The following EYS variants were observed in gnomAD, a reference collection of about 807,000 sequenced individuals.
EYS encodes the protein protein eyes shut homolog.
Under a neutral mutation model 282.1 loss-of-function variants are expected in EYS, and 250 were observed. That is an observed-to-expected ratio of 0.89 (90% confidence interval 0.80 to 0.98). The LOEUF is 0.98. Ranked by LOEUF, EYS falls within the 50% of genes least tolerant of loss-of-function variation. The pLI, the probability that EYS is intolerant of heterozygous loss-of-function variation, is 0.00. For synonymous variants in EYS, 1,355 were observed against 1,282.9 expected (o/e 1.06, Z -1.20); for missense variants, 4,016 against 3,709.0 (o/e 1.08, Z -2.15).
chr6:65,658,748 T>C (rs912709707), intron 1 of EYS, among the ~76,000 whole-genome samples: 1 of 151,652 alleles, frequency 6.6e-6, no homozygotes, highest in African/African-American at 2.4e-5. Context: ...CTTTCCTAAC[T>C]TTATATGGAG....
chr6:65,539,189 T>G (rs1189632510), intron 2 of EYS, among the ~76,000 whole-genome samples: 1 of 152,226 alleles, frequency 6.6e-6, no homozygotes, highest in African/African-American at 2.4e-5. Context: ...TATGCATCAT[T>G]GCATCACTAA....
chr6:64,700,232 C>T (rs1165961101), intron 22 of EYS, among the ~76,000 whole-genome samples: 1 of 151,808 alleles, frequency 6.6e-6, no homozygotes, highest in South Asian at 2.1e-4. Flanking sequence ...AATAACATAC[C>T]TGAAAATAAT....
At position 64,590,809 on chromosome 6, in the gene EYS, T is replaced by G. The variant is rs1352736189; in HGVS notation, c.5058A>C (p.Lys1686Asn). The stretch of plus-strand genomic sequence containing the variant: ...ATACTGACAGTTCATCAGTAGTCAT[T>G]TTTGAAGTCAAATCAGAATTCATCA... ...SDLMNSDLTS[K>N]MTTDELSVSE... is the part of the protein sequence containing the mutation. Residue 1686 changes from lysine to asparagine, a missense_variant, in exon 26 of 43, where the codon AAA becomes AAC. Transcript: ENST00000503581. 1 of 1,550,290 alleles carries G rather than the reference T, an allele frequency of 6.5e-7. No individual in the cohort carries two copies.
intron 15 of EYS, among the ~76,000 whole-genome samples, chr6:64,942,292 T>A (rs1583315488): frequency 6.9e-6 from 1 of 144,878 alleles, no homozygotes; most frequent in Middle Eastern, 3.4e-3. Flanking sequence ...AAACTAATGA[T>A]CCAATATCAT....
intron 22 of EYS, among the ~76,000 whole-genome samples, chr6:64,719,103 C>T (rs754000580): frequency 4.3e-4 from 66 of 152,042 alleles, no homozygotes; most frequent in African/African-American, 1.4e-3. Flanking sequence ...AAGATGAAGG[C>T]GGGCAAGTGA....
chr6:63,757,000 A>C (rs930240949), intron 41 of EYS, among the ~76,000 whole-genome samples: 4 of 152,150 alleles, frequency 2.6e-5, no homozygotes, highest in Non-Finnish European at 5.9e-5. Context: ...ACAATATGAA[A>C]TCAGTGCACC....
intron 35 of EYS, among the ~76,000 whole-genome samples, chr6:63,920,362 G>T (rs796204898): frequency 3.3e-5 from 5 of 152,290 alleles, no homozygotes; most frequent in African/African-American, 1.2e-4. Context: ...AGACCAGAGG[G>T]TAGGAGGAAA....
chr6:63,721,001 T>C lies in EYS; in HGVS notation c.9030A>G (p.Ala3010=), dbSNP rs61754905. The C allele has an allele frequency of 2.2e-3, 3,466 of 1,551,264 alleles. 57 individuals are homozygous for C. In the African/African-American group the frequency reaches 0.042, roughly 19 times the overall value. ...TCAAGGTCTGATTATGGAGACCAAT[T>C]GCCAGAAAATCATTTTCTTCATTTT... ...IAQNEENDFL[A]IGLHNQTLKI... is the part of the protein sequence containing the mutation. The change falls in exon 43 of 43, where the codon GCA becomes GCG. Residue 3010 remains alanine (A), a synonymous_variant. Coordinates refer to ENST00000503581, the MANE Select transcript of EYS (RefSeq NM_001142800.2).
chr6:65,042,416 GT>G (rs1772966276), intron 13 of EYS, among the ~76,000 whole-genome samples: 2 of 150,880 alleles, frequency 1.3e-5, no homozygotes, highest in African/African-American at 2.4e-5. Context: ...TTGGCCTATT[GT>G]TTTTTGTTGT....
intron 41 of EYS, among the ~76,000 whole-genome samples, chr6:63,729,435 G>A (rs532068469): frequency 1.9e-4 from 28 of 151,302 alleles, no homozygotes; most frequent in African/African-American, 6.3e-4. Flanking sequence ...TTTCTTCTAG[G>A]AGTTTTATAG....
intron 30 of EYS, among the ~76,000 whole-genome samples, chr6:64,297,915 TTGCAGTGA>T (rs1293971398): frequency 6.7e-6 from 1 of 148,738 alleles, no homozygotes; most frequent in Non-Finnish European, 1.5e-5. Context: ...GAGGCAGAGG[TTGCAGTGA>T]GCCAAGATAG....
chr6:65,148,915 C>T (rs1027738806), intron 12 of EYS, among the ~76,000 whole-genome samples: 1 of 152,018 alleles, frequency 6.6e-6, no homozygotes, highest in African/African-American at 2.4e-5. Context: ...GTACCTTGGC[C>T]CCTTTTAGCC....
At chr6:63,745,838 G>A (rs988496608) in intron 41 of EYS, among the ~76,000 whole-genome samples, 4 of 152,130 alleles carry the variant, frequency 2.6e-5, no homozygotes, top group African/African-American at 9.7e-5. Flanking sequence ...AGTAATTAAG[G>A]TTAAATGAGG....
intron 31 of EYS, among the ~76,000 whole-genome samples, chr6:64,118,857 GATAATA>G (rs1433141754): frequency 6.8e-6 from 1 of 146,242 alleles, no homozygotes; most frequent in Admixed American, 6.6e-5. Flanking sequence ...AAGAAAAACA[GATAATA>G]ATAATCTAAT....
intron 2 of EYS, among the ~76,000 whole-genome samples, chr6:65,590,796 A>T (rs985577832): frequency 3.3e-5 from 5 of 151,798 alleles, no homozygotes; most frequent in African/African-American, 1.2e-4. Flanking sequence ...TGCCTCAAAA[A>T]ACAGAATTTT....
In EYS at chr6:65,344,143, A is replaced by G. The variant is rs2150319983; in HGVS notation, c.1494T>C (p.Asp498=). Residue 498 remains aspartate (D), a synonymous_variant, in exon 10 of 43, where the codon GAT becomes GAC. Coordinates refer to ENST00000503581, the MANE Select transcript of EYS (RefSeq NM_001142800.2). ...SEGEKCQGVI[D]AYFFLAANCT... Reference sequence around the variant, plus strand: ...AGTTTGCAGCCAGAAAGAAATAGGCATCAATAACCCCTTGGCACTTTTCGC... The same window carrying G: ...AGTTTGCAGCCAGAAAGAAATAGGCGTCAATAACCCCTTGGCACTTTTCGC... 6.2e-7 allele frequency: 1 copy of G among 1,610,556 alleles called. No homozygotes were observed. Among genetic ancestry groups the G allele is most frequent in the Non-Finnish European group, 8.5e-7 (1 of 1,177,722 alleles).
intron 28 of EYS, among the ~76,000 whole-genome samples, chr6:64,433,295 G>C (rs991447335): frequency 1.3e-5 from 2 of 151,954 alleles, no homozygotes; most frequent in African/African-American, 4.8e-5. Context: ...AACTGGGGGT[G>C]AATTGTGTGC....
intron 35 of EYS, among the ~76,000 whole-genome samples, chr6:63,892,509 G>T (rs1773435383): frequency 6.6e-6 from 1 of 152,114 alleles, no homozygotes; most frequent in Non-Finnish European, 1.5e-5. Flanking sequence ...AATGGTGTTG[G>T]GAAAACTGGC....
At chr6:65,222,621 A>G (rs1402405667) in intron 12 of EYS, among the ~76,000 whole-genome samples, 4 of 152,248 alleles carry the variant, frequency 2.6e-5, no homozygotes, top group Non-Finnish European at 5.9e-5. Flanking sequence ...TAACCAAAGT[A>G]AAACAGAATC....
Sources: allele counts gnomAD v4.1 joint callset (sites outside exome capture counted in the v4.1 genomes callset), GRCh38; gene constraint gnomAD v4.1.1; transcripts MANE v1.5; gene names NCBI Gene and HGNC (gene_info 2026-07-23, HGNC 2026-07-21).